Variants in MTMR6 observed in about 807,000 individuals in gnomAD.
The protein encoded by MTMR6 is myotubularin related protein 6.
In MTMR6, 47 loss-of-function variants were observed where a neutral mutation model predicts 80.1. That is an observed-to-expected ratio of 0.59 (90% CI 0.46 to 0.75). The LOEUF (loss-of-function observed/expected upper bound fraction) is 0.75, where lower values mean the gene tolerates loss of function less well. MTMR6 is among the 30% of genes least tolerant of loss of function. The pLI is 0.00. For missense variants in MTMR6, 629 were observed against 730.9 expected, an observed-to-expected ratio of 0.86 and a Z score of 1.61; for synonymous variants, 254 against 253.0, an observed-to-expected ratio of 1.00 and a Z score of -0.04.
intron 6 of MTMR6, chr13:25,260,572 A>T: frequency 7.9e-7 from 1 of 1,270,480 alleles, no homozygotes; most frequent in Non-Finnish European, 1.0e-6. Flanking sequence ...TATATTGCTC[A>T]CTCGCTTTTT....
chr13:25,264,095 T>A (rs1957397973), intron 5 of MTMR6, among the ~76,000 whole-genome samples: 2 of 152,052 alleles, frequency 1.3e-5, no homozygotes, highest in African/African-American at 4.8e-5. Flanking sequence ...ATTATTTTTT[T>A]AAATCTTTAA....
At position 25,274,184 on chromosome 13, in the gene MTMR6, C is replaced by A. The variant is rs373972921; in HGVS notation, c.28G>T (p.Glu10Ter). The A allele has an allele frequency of 6.3e-7, 1 of 1,583,008 alleles. No homozygotes were observed. Among genetic ancestry groups the A allele is most frequent in the Non-Finnish European group, 8.6e-7 (1 of 1,158,092 alleles). The change falls in exon 2 of 14, where the codon GAA becomes TAA. Residue 10 changes from glutamate (E) to a stop codon, truncating the protein, a stop_gained. Coordinates refer to ENST00000381801, the MANE Select transcript of MTMR6 (RefSeq NM_004685.5). LOFTEE classifies it high-confidence loss of function. MEHIRTTKVEQVKLLDRFST... is the reference protein window; with the variant it reads MEHIRTTKV ...AATCGGTCAAGTAATTTTACTTGTT[C>A]GACCTAAAAGAAAAAAAGATATTAT...
chr13:25,285,678 C>T (rs3923861), intron 1 of MTMR6, among the ~76,000 whole-genome samples: 95,971 of 151,884 alleles, frequency 0.63, 35,148 homozygotes, highest in Non-Finnish European at 0.83. Context: ...GGATTACAGG[C>T]GCCTGCCACC....
rs559905888 is a variant in MTMR6, at chr13:25,268,813, C to G, written c.142-872G>C. On this transcript the variant is annotated intron_variant, in intron 2 of 13. Coordinates refer to ENST00000381801, the MANE Select transcript of MTMR6 (RefSeq NM_004685.5). ...GAGTTGGCAGGGCAGGAGCCACACT[C>G]CCGGGCACAGCTGCAGCCGCCCAGC... 6.6e-5 allele frequency among the ~76,000 whole-genome samples: 10 copies of G among 152,238 alleles called. No homozygotes were observed. In the East Asian group the frequency reaches 1.9e-3, roughly 29 times the overall value.
At chr13:25,267,170 C>T (rs12430741) in intron 3 of MTMR6, among the ~76,000 whole-genome samples, 9 of 149,372 alleles carry the variant, frequency 6.0e-5, no homozygotes, top group African/African-American at 2.2e-4. Flanking sequence ...CTGCTTGAAC[C>T]TGGGAGGCGG....
At chr13:25,267,720 GTATCT>G in intron 3 of MTMR6, 54 bp downstream of exon 3, 2 of 1,479,606 alleles carry the variant, frequency 1.4e-6, no homozygotes. Context: ...ATTAAATAAA[GTATCT>G]TAGATAACCC....
chr13:25,258,286 G>T (rs1055437417), intron 7 of MTMR6, among the ~76,000 whole-genome samples: 4 of 151,954 alleles, frequency 2.6e-5, no homozygotes, highest in African/African-American at 2.4e-5. Context: ...TTTGAAATAT[G>T]GCTTGTCCAA....
chr13:25,274,939 G>GACAGACACACACACACACATACAC (rs141646990), intron 1 of MTMR6, among the ~76,000 whole-genome samples: 1 of 42,968 alleles, frequency 2.3e-5, no homozygotes, highest in Admixed American at 2.6e-4. Flanking sequence ...CTAGTAGACA[G>GACAGACACACACACACACATACAC]ACACACACAC....
intron 3 of MTMR6, 78 bp downstream of exon 3, chr13:25,267,701 T>TA (rs1957488914): frequency 8.5e-6 from 12 of 1,407,652 alleles, no homozygotes; most frequent in Non-Finnish European, 1.1e-5. Context: ...AAAATAACAA[T>TA]AATAAAACAT....
chr13:25,259,377 C>G (rs1295996933), intron 6 of MTMR6, among the ~76,000 whole-genome samples: 1 of 152,154 alleles, frequency 6.6e-6, no homozygotes. Context: ...TTAATTCTTC[C>G]AGGCTAGGAT....
chr13:25,268,242 C>T (rs548870492), intron 2 of MTMR6, among the ~76,000 whole-genome samples: 1 of 152,284 alleles, frequency 6.6e-6, no homozygotes, highest in East Asian at 1.9e-4. Flanking sequence ...GTTGTAATGT[C>T]CCCACTGTTT....
intron 8 of MTMR6, 32 bp downstream of exon 8, chr13:25,257,704 C>T (rs1221225766): frequency 6.6e-7 from 1 of 1,520,784 alleles, no homozygotes; most frequent in Non-Finnish European, 9.1e-7. Context: ...CATTATAGAC[C>T]CCAAGACCAA....
Position 25,253,885 on chromosome 13 carries a change from C to T in MTMR6, c.1225G>A (p.Glu409Lys), listed in dbSNP as rs139661960. 1.5e-5 allele frequency: 25 copies of T among 1,613,968 alleles called. No homozygotes were observed. Among genetic ancestry groups the T allele is most frequent in the Middle Eastern group, 1.6e-4 (1 of 6,084 alleles). Residue 409 changes from glutamate (E) to lysine (K), a missense_variant, in exon 11 of 14, where the codon GAA becomes AAA. Transcript: ENST00000381801. Reference protein sequence around the residue: ...QFLECVWHLTEQFPQAFEFSE... With the variant: ...QFLECVWHLTKQFPQAFEFSE... ...AATTCAAAGGCTTGTGGAAACTGTT[C>T]GGTCAAATGCCACACACATTCCAAG...
chr13:25,274,150 C>T lies in MTMR6; in HGVS notation c.62G>A (p.Ser21Asn). The T allele has an allele frequency of 6.2e-7, 1 of 1,612,524 alleles. No homozygotes were observed. The highest frequency in any genetic ancestry group is 2.2e-5 in the East Asian group (1 of 44,784). Residue 21 changes from serine (S) to asparagine (N), a missense_variant, in exon 2 of 14, where the codon AGC becomes AAC. By Grantham distance (46) the Ser-to-Asn change is conservative. Transcript: ENST00000381801. Reference protein sequence around the residue: ...QVKLLDRFSTSNKSLTGTLYL... With the variant: ...QVKLLDRFSTNNKSLTGTLYL... ...CAGTGTTCCTGTTAATGACTTGTTGCTGGTACTGAATCGGTCAAGTAATTT... is the reference window on the plus strand; with the variant it reads ...CAGTGTTCCTGTTAATGACTTGTTGTTGGTACTGAATCGGTCAAGTAATTT...
rs1253062937 is a variant in MTMR6, at chr13:25,247,700, A to C, written c.*1532T>G. 6.6e-6 allele frequency: 1 copy of C among 152,196 alleles called. No homozygotes were observed. The highest frequency in any genetic ancestry group is 1.5e-5 in the Non-Finnish European group (1 of 68,004). 9.4% of individuals were successfully genotyped at this position (152,196 alleles called of 1,614,324 possible). A position where few individuals can be genotyped will look rare whatever the true frequency, so the allele number is the denominator to read the frequency against. ...GCTGTTTAAAAAGGAATATTTTTTA[A>C]ATTACATAATGTATTACAGAAAAGC... On this transcript the variant is annotated 3_prime_UTR_variant, in exon 14 of 14. Transcript: ENST00000381801.
In MTMR6 at chr13:25,248,631, G is replaced by A. The variant is rs1957026634; in HGVS notation, c.*601C>T. 1 of 152,592 alleles carries A rather than the reference G, an allele frequency of 6.6e-6. No individual in the cohort carries two copies. The highest frequency in any genetic ancestry group is 2.1e-4 in the South Asian group (1 of 4,836). The allele number at this position is 152,592 out of a possible 1,614,324, so 9.5% of individuals were successfully genotyped here. A position where few individuals can be genotyped will look rare whatever the true frequency, so the allele number is the denominator to read the frequency against. On this transcript the variant is annotated 3_prime_UTR_variant, in exon 14 of 14. Transcript: ENST00000381801. ...AGTATTGTAGCATGCACCCCCAGCA[G>A]TAATGAGAGCACAATTCTTTACAAA...
intron 2 of MTMR6, 92 bp downstream of exon 2, chr13:25,273,979 A>G (rs1296553640): frequency 2.2e-6 from 2 of 903,688 alleles, no homozygotes; most frequent in Non-Finnish European, 3.4e-6. Context: ...GTAACCAATG[A>G]TTAAAAATTG....
intron 1 of MTMR6, among the ~76,000 whole-genome samples, chr13:25,282,563 TCTC>T (rs1957875524): frequency 4.0e-5 from 6 of 151,044 alleles, no homozygotes; most frequent in African/African-American, 1.2e-4. Context: ...GCATCCGGCT[TCTC>T]CTCCTCTGCT....
chr13:25,282,172 C>A (rs1299610544), intron 1 of MTMR6, among the ~76,000 whole-genome samples: 1 of 152,044 alleles, frequency 6.6e-6, no homozygotes, highest in Non-Finnish European at 1.5e-5. Context: ...CCCGCCATCC[C>A]CCATGTGGGG....
Sources: allele counts gnomAD v4.1 joint callset (sites outside exome capture counted in the v4.1 genomes callset), GRCh38; gene constraint gnomAD v4.1.1; transcripts MANE v1.5; gene names NCBI Gene and HGNC (gene_info 2026-07-23, HGNC 2026-07-21).